Variants in TYW1 observed in about 807,000 individuals in gnomAD.
The protein encoded by TYW1 is S-adenosyl-L-methionine-dependent tRNA 4-demethylwyosine synthase TYW1.
Under a neutral mutation model 96.2 loss-of-function variants are expected in TYW1, and 46 were observed. The ratio of observed to expected loss-of-function variants is 0.48; its 90% CI spans 0.38 to 0.61. The LOEUF (loss-of-function observed/expected upper bound fraction) is 0.61. Ranked by LOEUF, TYW1 falls within the 20% of genes least tolerant of loss-of-function variation. The pLI, the probability that TYW1 is intolerant of heterozygous loss-of-function variation, is 0.00. For missense variants in TYW1, 684 were observed against 909.6 expected (o/e 0.75, Z 3.19); for synonymous variants, 274 against 323.0 (o/e 0.85, Z 1.63).
intron 2 of TYW1, 132 bp downstream of exon 2, chr7:66,998,327 A>G: frequency 6.4e-6 from 8 of 1,240,960 alleles, no homozygotes; most frequent in Non-Finnish European, 8.6e-6. Flanking sequence ...CCTAAAATAA[A>G]TTTCTTCTCT....
chr7:67,072,457 C>T (rs2115702051), intron 10 of TYW1, among the ~76,000 whole-genome samples: 1 of 152,142 alleles, frequency 6.6e-6, no homozygotes, highest in African/African-American at 2.4e-5. Flanking sequence ...CCATGTTGGC[C>T]AGGCTGGTCT....
intron 12 of TYW1, among the ~76,000 whole-genome samples, chr7:67,112,610 T>C (rs927842744): frequency 1.4e-5 from 2 of 141,320 alleles, no homozygotes; most frequent in Admixed American, 7.0e-5. Flanking sequence ...AGCAAGACTC[T>C]TGTCTTTAAA....
chr7:67,178,139 G>A (rs1170076212), intron 13 of TYW1, among the ~76,000 whole-genome samples: 2 of 151,292 alleles, frequency 1.3e-5, no homozygotes, highest in Admixed American at 1.3e-4. Flanking sequence ...ACTCCAGCCT[G>A]AGTGGTGGAG....
In TYW1 at chr7:67,017,726, A is replaced by T. The variant is rs10271806; in HGVS notation, c.571-127A>T. 2.4e-4 allele frequency: 315 copies of T among 1,315,984 alleles called. 3 individuals carry two copies. In the African/African-American group the frequency reaches 4.2e-3, roughly 18 times the overall value. The allele number at this position is 1,315,984 out of a possible 1,614,324, so 81.5% of individuals were successfully genotyped here. A position where few individuals can be genotyped will look rare whatever the true frequency, so the allele number is the denominator to read the frequency against. ...AAGGCTTGAAGGTCATTTTGCCAGC[A>T]ATTTCCTCTTCCTTAGCGGCAGCCC... On this transcript the variant is annotated intron_variant, in intron 5 of 15. Coordinates refer to ENST00000359626, the MANE Select transcript of TYW1 (RefSeq NM_018264.4).
At position 67,238,470 on chromosome 7, in the gene TYW1, G is replaced by A; in HGVS notation, c.2140G>A (p.Asp714Asn). Reference sequence around the variant, plus strand: ...ATTTGGTGCCAGTGAAAGAGGCTTTGATCCCAAGGACACAAGACATCAGAG... The same window carrying A: ...ATTTGGTGCCAGTGAAAGAGGCTTTAATCCCAAGGACACAAGACATCAGAG... ...ALFGASERGFDPKDTRHQRKN... is the reference protein window; with the variant it reads ...ALFGASERGFNPKDTRHQRKN... Residue 714 changes from aspartate to asparagine, a missense_variant, in exon 16 of 16, where the codon GAT (aspartate) becomes AAT (asparagine). By Grantham distance (23) the Asp-to-Asn change is conservative (BLOSUM62 1). Coordinates refer to ENST00000359626, the MANE Select transcript of TYW1 (RefSeq NM_018264.4). The A allele has an allele frequency of 6.2e-7, 1 of 1,613,958 alleles. No homozygotes were observed. The highest frequency in any genetic ancestry group is 8.5e-7 in the Non-Finnish European group (1 of 1,179,866).
At chr7:67,233,504 T>C (rs1209387665) in intron 15 of TYW1, among the ~76,000 whole-genome samples, 2 of 133,904 alleles carry the variant, frequency 1.5e-5, no homozygotes, top group African/African-American at 6.0e-5. Context: ...TCAGGCTGTA[T>C]CTTATTGCAC....
chr7:67,000,618 T>A (rs1216315388), intron 3 of TYW1, among the ~76,000 whole-genome samples: 1 of 152,080 alleles, frequency 6.6e-6, no homozygotes, highest in Non-Finnish European at 1.5e-5. Flanking sequence ...ATTTAATTTT[T>A]TTGTAGAGAC....
intron 8 of TYW1, among the ~76,000 whole-genome samples, chr7:67,053,805 CAGT>C (rs1485574998): frequency 6.6e-6 from 1 of 152,202 alleles, no homozygotes; most frequent in Non-Finnish European, 1.5e-5. Context: ...ATGTGCTGAA[CAGT>C]ACTTGGGCAA....
chr7:67,213,172 CTT>C (rs35228024), intron 15 of TYW1, among the ~76,000 whole-genome samples: 4 of 147,978 alleles, frequency 2.7e-5, no homozygotes, highest in South Asian at 2.1e-4. Context: ...ACGCCCGGCC[CTT>C]TTTTTTTTTA....
chr7:67,073,841 G>T (rs916113999), intron 10 of TYW1, among the ~76,000 whole-genome samples: 1 of 150,606 alleles, frequency 6.6e-6, no homozygotes, highest in Non-Finnish European at 1.5e-5. Flanking sequence ...CCAGCACTTC[G>T]GGAGGCTGAG....
At chr7:67,178,873 C>T (rs1238479544) in intron 13 of TYW1, among the ~76,000 whole-genome samples, 4 of 136,344 alleles carry the variant, frequency 2.9e-5, no homozygotes, top group Non-Finnish European at 6.3e-5. Flanking sequence ...GTGTACATTT[C>T]TCTTTGTGTT....
At chr7:67,043,880 GC>G (rs1263653270) in intron 7 of TYW1, among the ~76,000 whole-genome samples, 1 of 152,146 alleles carries the variant, frequency 6.6e-6, no homozygotes, top group East Asian at 1.9e-4. Context: ...CAAAAGCTTT[GC>G]GTAATGGTGA....
chr7:67,029,763 T>C (rs1233159928), intron 7 of TYW1, among the ~76,000 whole-genome samples: 1 of 152,082 alleles, frequency 6.6e-6, no homozygotes, highest in Admixed American at 6.6e-5. Flanking sequence ...TGCAGTGGTG[T>C]GATCACGGCT....
intron 2 of TYW1, 74 bp downstream of exon 2, chr7:66,998,269 A>G: frequency 2.6e-6 from 4 of 1,522,796 alleles, no homozygotes; most frequent in Non-Finnish European, 3.5e-6. Flanking sequence ...TACTAAAAGG[A>G]ACCTTTAATT....
intron 7 of TYW1, among the ~76,000 whole-genome samples, chr7:67,028,373 C>A (rs1218658880): frequency 6.6e-6 from 1 of 152,070 alleles, no homozygotes; most frequent in East Asian, 1.9e-4. Context: ...CATGGTGAAA[C>A]CCCGTCTTTT....
intron 13 of TYW1, among the ~76,000 whole-genome samples, chr7:67,151,053 T>C (rs1212210919): frequency 7.7e-6 from 1 of 129,926 alleles, no homozygotes; most frequent in African/African-American, 2.8e-5. Flanking sequence ...TTCTTCTTCT[T>C]TTTTTTTTTT....
At chr7:67,238,157 C>T in intron 15 of TYW1, 151 bp from the exon 16 acceptor site, 3 of 1,144,270 alleles carry the variant, frequency 2.6e-6, no homozygotes, top group Non-Finnish European at 3.6e-6. Context: ...ATGTCTGGAA[C>T]ATGGAAGAGG....
At chr7:67,059,099 T>G (rs1168466367) in intron 9 of TYW1, among the ~76,000 whole-genome samples, 4 of 147,346 alleles carry the variant, frequency 2.7e-5, no homozygotes, top group Non-Finnish European at 4.5e-5. Context: ...AGACAAAGTT[T>G]TTTTTTTTTT....
chr7:67,200,960 G>C lies in TYW1; in HGVS notation c.1977+5623G>C, dbSNP rs537680769. ...TGAAGGTCAAGAGAAGGGTTGCAGG[G>C]AAAGGAGATTATTAGGCAGGGTTAA... On this transcript the variant is annotated intron_variant, in intron 15 of 15. Transcript: ENST00000359626. Among the ~76,000 whole-genome samples, 12 of 152,244 alleles carry C rather than the reference G, an allele frequency of 7.9e-5. No individual in the cohort carries two copies. The South Asian group carries it at 2.5e-3, about 32-fold the overall frequency.
Sources: gnomAD v4.1 joint callset for allele counts (sites outside exome capture counted in the v4.1 genomes callset) on GRCh38, gnomAD v4.1.1 for gene constraint, MANE v1.5 for transcripts, NCBI Gene and HGNC (gene_info 2026-07-23, HGNC 2026-07-21) for gene names.